The following ZNF844 variants were observed in gnomAD, a reference collection of about 807,000 sequenced individuals.
The protein encoded by ZNF844 is zinc finger protein 844.
A neutral mutation model predicts 11.4 loss-of-function variants in ZNF844; 11 were observed. The ratio of observed to expected loss-of-function variants is 0.97; its 90% CI spans 0.61 to 1.60. The LOEUF is 1.60. Ranked by LOEUF, ZNF844 falls within the 40% of genes most tolerant of loss-of-function variation. The probability of loss-of-function intolerance (pLI) is 0.00; values close to 1 mark genes in which losing one functional copy is unlikely to be tolerated. For synonymous variants in ZNF844, 248 were observed against 260.3 expected, an observed-to-expected ratio of 0.95 and a Z score of 0.46; for missense variants, 790 against 796.8, an observed-to-expected ratio of 0.99 and a Z score of 0.10.
In ZNF844 at chr19:12,078,014, A is replaced by G; in HGVS notation, c.*893A>G. ...CGGCTGATTTTTTGTATTTTTTAGT[A>G]GAGACGGAGTTTCATCGTGTTAGCC... On this transcript the variant is annotated 3_prime_UTR_variant, in exon 4 of 4. Coordinates refer to ENST00000439326, the MANE Select transcript of ZNF844 (RefSeq NM_001136501.3). The G allele has an allele frequency of 5.9e-6, 1 of 169,858 alleles. No homozygotes were observed. Among genetic ancestry groups the G allele is most frequent in the South Asian group, 1.4e-4 (1 of 7,178 alleles). The allele number at this position is 169,858 out of a possible 1,614,324, so 10.5% of individuals were successfully genotyped here.
Position 12,076,961 on chromosome 19 carries a change from T to C in ZNF844, c.1841T>C (p.Met614Thr). ...MQEHTLERNP[M>T]NVRNAEKRSI... ...GAACACACCCTGGAGAGAAACCCTA[T>C]GAATGTAAGGAATGCGGAAAAGCGT... The change falls in exon 4 of 4, where the codon ATG becomes ACG. Residue 614 changes from methionine (M) to threonine (T), a missense_variant. By Grantham distance (81) the Met-to-Thr change is moderately conservative (BLOSUM62 -1). Coordinates refer to ENST00000439326, the MANE Select transcript of ZNF844 (RefSeq NM_001136501.3). The C allele has an allele frequency of 6.2e-7, 1 of 1,603,284 alleles. No individual in the cohort carries two copies. The highest frequency in any genetic ancestry group is 2.3e-5 in the East Asian group (1 of 43,836).
chr19:12,076,647 G>A lies in ZNF844; in HGVS notation c.1527G>A (p.Val509=). Residue 509 remains valine (V), a synonymous_variant, in exon 4 of 4, where the codon GTG becomes GTA. Coordinates refer to ENST00000439326, the MANE Select transcript of ZNF844 (RefSeq NM_001136501.3). ...GAAACCCTATGAGTGTAAGCAATGT[G>A]GGAAAGCCTTCACATCTGCCTCACA... ...LERNPMSVSN[V]GKPSHLPHTF... 1.2e-6 allele frequency: 2 copies of A among 1,613,976 alleles called. No individual in the cohort carries two copies. The highest frequency in any genetic ancestry group is 1.7e-6 in the Non-Finnish European group (2 of 1,179,980).
chr19:12,067,425 G>C (rs1975701497), intron 1 of ZNF844, among the ~76,000 whole-genome samples: 1 of 150,468 alleles, frequency 6.6e-6, no homozygotes, highest in Non-Finnish European at 1.5e-5. Flanking sequence ...GGCTAACATG[G>C]TGAAACCCCG....
Position 12,075,842 on chromosome 19 carries a change from A to G in ZNF844, c.722A>G (p.Gln241Arg). 6.2e-7 allele frequency: 1 copy of G among 1,610,834 alleles called. No individual in the cohort carries two copies. The highest frequency in any genetic ancestry group is 8.5e-7 in the Non-Finnish European group (1 of 1,178,646). ...GCCTTTAGTTATTCAACTTCCCTTC[A>G]AATACATGAAAGAACTCACACTGGA... is the stretch of plus-strand genomic sequence containing the variant. ...GKAFSYSTSL[Q>R]IHERTHTGEK... Residue 241 changes from glutamine to arginine, a missense_variant, in exon 4 of 4, where the codon CAA (glutamine) becomes CGA (arginine). Physicochemically the swap from Gln to Arg is conservative, Grantham distance 43. Transcript: ENST00000439326.
chr19:12,076,001 A>G lies in ZNF844; in HGVS notation c.881A>G (p.His294Arg), dbSNP rs776853121. The G allele has an allele frequency of 2.5e-6, 4 of 1,578,754 alleles. No individual in the cohort carries two copies. Among genetic ancestry groups the G allele is most frequent in the South Asian group, 1.1e-5 (1 of 87,620 alleles). The part of the protein sequence containing the change: ...KQCGKAFRWF[H>R]SFQIHERTHS... ...TGTGGAAAAGCCTTCAGATGGTTCC[A>G]TTCCTTTCAAATACATGAAAGAACT... Residue 294 changes from histidine to arginine, a missense_variant, in exon 4 of 4, where the codon CAT becomes CGT. Around this residue, in one of 3 missense-constraint regions of ZNF844, gnomAD observed 657 missense variants for 636.2 expected, o/e 1.03. Transcript: ENST00000439326.
At chr19:12,069,303 C>G (rs992547006) in intron 1 of ZNF844, among the ~76,000 whole-genome samples, 5 of 150,944 alleles carry the variant, frequency 3.3e-5, no homozygotes, top group Admixed American at 6.6e-5. Flanking sequence ...CTGTCTCAGC[C>G]TCCTGAGTAG....
chr19:12,073,452 G>A (rs959212008), intron 1 of ZNF844, among the ~76,000 whole-genome samples: 2 of 151,982 alleles, frequency 1.3e-5, no homozygotes, highest in African/African-American at 2.4e-5. Context: ...CACCGCGCCC[G>A]GCCCACAGTA....
At chr19:12,065,877 C>G (rs770366459) in intron 1 of ZNF844, among the ~76,000 whole-genome samples, 4 of 151,802 alleles carry the variant, frequency 2.6e-5, no homozygotes, top group Non-Finnish European at 5.9e-5. Context: ...TCAGGTGATC[C>G]GCCCGCATCG....
At position 12,075,426 on chromosome 19, in the gene ZNF844, A is replaced by T. The variant is rs1975796389; in HGVS notation, c.306A>T (p.Ser102=). 6.2e-7 allele frequency: 1 copy of T among 1,609,212 alleles called. No individual in the cohort carries two copies. The highest frequency in any genetic ancestry group is 1.1e-5 in the South Asian group (1 of 90,004). ...AAAAAACTTCTCCTGGAGTAAAATC[A>T]TGTGAAAGCAGTGTGTGTGGAGAAG... The part of the protein sequence containing the change: ...LNKKTSPGVK[S]CESSVCGEVF... The change falls in exon 4 of 4, where the codon TCA becomes TCT. Residue 102 remains serine (S), a synonymous_variant. Coordinates refer to ENST00000439326, the MANE Select transcript of ZNF844 (RefSeq NM_001136501.3).
intron 1 of ZNF844, among the ~76,000 whole-genome samples, chr19:12,065,436 CT>C (rs1975677245): frequency 6.6e-6 from 1 of 152,006 alleles, no homozygotes; most frequent in South Asian, 2.1e-4. Flanking sequence ...TCAATGTGTA[CT>C]AGATGCTTTG....
intron 1 of ZNF844, among the ~76,000 whole-genome samples, chr19:12,071,883 C>CTTTTTT (rs533482850): frequency 7.2e-5 from 10 of 139,236 alleles, no homozygotes; most frequent in Admixed American, 1.4e-4. Context: ...AATTTTTTTT[C>CTTTTTT]TTTTTTTTTT....
intron 1 of ZNF844, among the ~76,000 whole-genome samples, chr19:12,065,837 G>A (rs746628897): frequency 6.6e-6 from 1 of 151,940 alleles, no homozygotes; most frequent in African/African-American, 2.4e-5. Flanking sequence ...GTTTCACCGT[G>A]TTGGCCAAGG....
chr19:12,075,532 C>T lies in ZNF844; in HGVS notation c.412C>T (p.Gln138Ter), dbSNP rs926045823. Residue 138 changes from glutamine (Q) to a stop codon, truncating the protein, a stop_gained, in exon 4 of 4, where the codon CAG becomes TAG. Coordinates refer to ENST00000439326, the MANE Select transcript of ZNF844 (RefSeq NM_001136501.3). LOFTEE classifies it low-confidence loss of function (END_TRUNC). ...GCCGTCTGAGTATCAGGAATATGGACAGGAGCCATATAAGTGTCAACAACG... is the reference window on the plus strand; with the variant it reads ...GCCGTCTGAGTATCAGGAATATGGATAGGAGCCATATAAGTGTCAACAACG... ...HKPSEYQEYG[Q>*]EPYKCQQRKK... is the part of the protein sequence containing the mutation. The T allele has an allele frequency of 1.2e-6, 2 of 1,614,010 alleles. No individual in the cohort carries two copies. The highest frequency in any genetic ancestry group is 1.7e-6 in the Non-Finnish European group (2 of 1,179,982).
Position 12,076,027 on chromosome 19 carries a change from C to G in ZNF844, c.907C>G (p.His303Asp), listed in dbSNP as rs769682670. 86 of 1,569,774 alleles carry G rather than the reference C, an allele frequency of 5.5e-5. No individual in the cohort carries two copies. Among genetic ancestry groups the G allele is most frequent in the Non-Finnish European group, 7.3e-5 (85 of 1,157,036 alleles). Residue 303 changes from histidine (H) to aspartate (D), a missense_variant, in exon 4 of 4, where the codon CAC becomes GAC. Coordinates refer to ENST00000439326, the MANE Select transcript of ZNF844 (RefSeq NM_001136501.3). ...TTCCTTTCAAATACATGAAAGAACT[C>G]ACAGTGAGGAGAAGGCTTATGAATG... is the stretch of plus-strand genomic sequence containing the variant. ...FHSFQIHERT[H>D]SEEKAYECTK...
chr19:12,074,077 A>C lies in ZNF844; in HGVS notation c.50A>C (p.Glu17Ala), dbSNP rs757671732. 14 of 1,613,730 alleles carry C rather than the reference A, an allele frequency of 8.7e-6. No homozygotes were observed. The highest frequency in any genetic ancestry group is 1.2e-5 in the Non-Finnish European group (14 of 1,179,788). ...GTGGCTGTGAACTTCACCCAGGAGG[A>C]GTGGTCTTTGCTGGATCCTTCCCAG... Reference protein sequence around the residue: ...EDVAVNFTQEEWSLLDPSQKN... With the variant: ...EDVAVNFTQEAWSLLDPSQKN... Residue 17 changes from glutamate to alanine, a missense_variant, in exon 2 of 4, where the codon GAG becomes GCG. By Grantham distance (107) the Glu-to-Ala change is moderately radical (BLOSUM62 -1). This residue lies in a region of ZNF844 where 129 missense variants were observed against 144.0 expected (regional missense o/e 0.90). Coordinates refer to ENST00000439326, the MANE Select transcript of ZNF844 (RefSeq NM_001136501.3).
chr19:12,077,819 T>G lies in ZNF844; in HGVS notation c.*698T>G, dbSNP rs901313571. 50 of 301,322 alleles carry G rather than the reference T, an allele frequency of 1.7e-4. No individual in the cohort carries two copies. Among genetic ancestry groups the G allele is most frequent in the African/African-American group, 1.1e-3 (49 of 44,910 alleles). The allele number at this position is 301,322 out of a possible 1,614,324, so 18.7% of individuals were successfully genotyped here. On this transcript the variant is annotated 3_prime_UTR_variant, in exon 4 of 4. Transcript: ENST00000439326. The stretch of plus-strand genomic sequence containing the variant: ...TGTTTATAGCAGCTGCATACTAACA[T>G]GTTATTCTGTATTTTTTTTTTCTTT...
chr19:12,076,336 C>G lies in ZNF844; in HGVS notation c.1216C>G (p.Pro406Ala), dbSNP rs146604057. The change falls in exon 4 of 4, where the codon CCT becomes GCT. Residue 406 changes from proline (P) to alanine (A), a missense_variant. Around this residue, in one of 3 missense-constraint regions of ZNF844, gnomAD observed 657 missense variants for 636.2 expected, o/e 1.03. Coordinates refer to ENST00000439326, the MANE Select transcript of ZNF844 (RefSeq NM_001136501.3). ...GGTAAAGCCTTCAATCGTTCCAGTTCCTTTCACTATCATGAAAGGACTCAC... is the reference window on the plus strand; with the variant it reads ...GGTAAAGCCTTCAATCGTTCCAGTTGCTTTCACTATCATGAAAGGACTCAC... ...TVVKPSIVPV[P>A]FTIMKGLTLE... is the part of the protein sequence containing the mutation. 22,584 of 1,613,908 alleles carry G rather than the reference C, an allele frequency of 0.014. 248 individuals are homozygous for G. Among genetic ancestry groups the G allele is most frequent in the South Asian group, 0.024 (2,205 of 91,072 alleles).
chr19:12,069,629 G>A (rs1006021639), intron 1 of ZNF844, among the ~76,000 whole-genome samples: 48 of 151,672 alleles, frequency 3.2e-4, no homozygotes, highest in African/African-American at 1.1e-3. Flanking sequence ...AGGTGAGAGT[G>A]GGAGGTCAGG....
At chr19:12,072,102 G>A (rs1305466743) in intron 1 of ZNF844, among the ~76,000 whole-genome samples, 1 of 152,014 alleles carries the variant, frequency 6.6e-6, no homozygotes, top group Non-Finnish European at 1.5e-5. Flanking sequence ...GGCCAGGCTG[G>A]TCTTGAACTC....
Sources: allele counts gnomAD v4.1 joint callset (sites outside exome capture counted in the v4.1 genomes callset), GRCh38; gene constraint gnomAD v4.1.1; regional missense constraint gnomAD v4.1.1; transcripts MANE v1.5; gene names NCBI Gene and HGNC (gene_info 2026-07-23, HGNC 2026-07-21).